SMC6: variants seen among roughly 807,000 people sequenced by gnomAD.
SMC6 encodes structural maintenance of chromosomes 6.
SMC6 carries 79 observed loss-of-function variants against 142.2 expected under a neutral mutation model. The ratio of observed to expected loss-of-function variants is 0.56; its 90% CI spans 0.46 to 0.67. The LOEUF is 0.67. Ranked by LOEUF, SMC6 falls within the 30% of genes least tolerant of loss-of-function variation. SMC6 has a pLI of 0.00. For missense variants in SMC6, 1,072 were observed against 1,284.0 expected, an observed-to-expected ratio of 0.83 and a Z score of 2.52; for synonymous variants, 411 against 412.4, an observed-to-expected ratio of 1.00 and a Z score of 0.04.
chr2:17,672,996 A>T (rs1014173990), intron 25 of SMC6, among the ~76,000 whole-genome samples: 1 of 152,210 alleles, frequency 6.6e-6, no homozygotes, highest in African/African-American at 2.4e-5. Context: ...AGAGGTTTCC[A>T]AATTAGTTTG....
At chr2:17,751,562 A>G (rs1671039788) in intron 2 of SMC6, among the ~76,000 whole-genome samples, 1 of 152,140 alleles carries the variant, frequency 6.6e-6, no homozygotes. Flanking sequence ...AGTCAGTAGT[A>G]AAGGATACTC....
chr2:17,721,357 G>T, intron 9 of SMC6, 96 bp from the exon 10 acceptor site: 1 of 1,160,876 alleles, frequency 8.6e-7, no homozygotes, highest in South Asian at 2.0e-5. Context: ...GCCTAAACAA[G>T]TACTACATAA....
rs183904524 is a variant in SMC6 at position 17,679,239 on chromosome 2, T to C, written c.2805-275A>G. On this transcript the variant is annotated intron_variant, in intron 24 of 27. Transcript: ENST00000448223. The stretch of plus-strand genomic sequence containing the variant: ...ATCTCACATTTAATATAACCCATTA[T>C]ACCACAGTCAGTGCTTAGGAATGCA... 13 of 296,512 alleles carry C rather than the reference T, an allele frequency of 4.4e-5. No homozygotes were observed. The Admixed American group carries it at 4.5e-4, about 10-fold the overall frequency. The allele number at this position is 296,512 out of a possible 1,614,324, so 18.4% of individuals were successfully genotyped here. A position where few individuals can be genotyped will look rare whatever the true frequency, so the allele number is the denominator to read the frequency against.
At chr2:17,746,524 T>C (rs886708071) in intron 2 of SMC6, 1 of 152,212 alleles carries the variant, frequency 6.6e-6, no homozygotes, top group African/African-American at 2.4e-5. Flanking sequence ...AATTTTTAAG[T>C]TGTTTTCCCA....
At position 17,700,361 on chromosome 2, in the gene SMC6, T is replaced by C. The variant is rs756024806; in HGVS notation, c.2241A>G (p.Glu747=). ...CAACCATTTTCATTTTGCTTTTATT[T>C]TCCTGAGCTTCATCTTCCTGATAAA... ...DIATLEDEAQ[E]NKSKMKMVEE... Residue 747 remains glutamate (E), a synonymous_variant, in exon 21 of 28, where the codon GAA becomes GAG. Coordinates refer to ENST00000448223, the MANE Select transcript of SMC6 (RefSeq NM_001142286.2). The C allele has an allele frequency of 1.9e-6, 3 of 1,602,598 alleles. No homozygotes were observed. The East Asian group carries it at 6.7e-5, about 36-fold the overall frequency.
intron 15 of SMC6, among the ~76,000 whole-genome samples, chr2:17,715,315 A>C (rs751019775): frequency 3.9e-5 from 6 of 152,076 alleles, no homozygotes; most frequent in Non-Finnish European, 8.8e-5. Context: ...AATCCACCAA[A>C]TCCTGTGAAA....
At chr2:17,747,427 C>G (rs570414373) in intron 2 of SMC6, among the ~76,000 whole-genome samples, 1 of 152,094 alleles carries the variant, frequency 6.6e-6, no homozygotes, top group African/African-American at 2.4e-5. Flanking sequence ...TTACAAAGGA[C>G]TTCAAAGAGC....
intron 23 of SMC6, among the ~76,000 whole-genome samples, chr2:17,688,198 A>G (rs1667545482): frequency 6.6e-6 from 1 of 152,086 alleles, no homozygotes; most frequent in African/African-American, 2.4e-5. Flanking sequence ...GTTTTTAGGT[A>G]TCATTCCTTA....
chr2:17,695,339 T>C lies in SMC6; in HGVS notation c.2533-42A>G, dbSNP rs199829364. On this transcript the variant is annotated intron_variant, in intron 22 of 27. Transcript: ENST00000448223. ...TTATATCTTTAAAACTCTTCTTTGA[T>C]ATAACAATTCATTATACTACTTGTG... 23 of 1,569,990 alleles carry C rather than the reference T, an allele frequency of 1.5e-5. No individual in the cohort carries two copies. In the East Asian group the frequency reaches 4.1e-4, roughly 28 times the overall value.
intron 5 of SMC6, among the ~76,000 whole-genome samples, chr2:17,733,314 C>T (rs1052235094): frequency 1.2e-4 from 18 of 152,122 alleles, no homozygotes; most frequent in African/African-American, 2.7e-4. Flanking sequence ...GGCTTAGCAA[C>T]GATATAATTT....
chr2:17,733,555 G>A (rs1468881237), intron 5 of SMC6, among the ~76,000 whole-genome samples: 3 of 152,158 alleles, frequency 2.0e-5, no homozygotes, highest in African/African-American at 7.2e-5. Flanking sequence ...ACAGAAAATT[G>A]TACTATCTTT....
At chr2:17,725,089 A>G (rs1669549156) in intron 9 of SMC6, among the ~76,000 whole-genome samples, 168 bp downstream of exon 9, 2 of 152,200 alleles carry the variant, frequency 1.3e-5, no homozygotes, top group Non-Finnish European at 2.9e-5. Context: ...AGTAATAGCT[A>G]ATTAATACCC....
chr2:17,693,358 T>C (rs946794131), intron 23 of SMC6, among the ~76,000 whole-genome samples: 2 of 152,290 alleles, frequency 1.3e-5, no homozygotes, highest in Non-Finnish European at 2.9e-5. Flanking sequence ...TGGAATACTA[T>C]GCAGCCATAA....
intron 9 of SMC6, among the ~76,000 whole-genome samples, chr2:17,725,004 T>C (rs1004981374): frequency 3.3e-5 from 5 of 152,202 alleles, no homozygotes. Context: ...GTATGTAAGA[T>C]ACTGCCCTGT....
rs142355239 is a variant in SMC6, at chr2:17,724,581, T to C, written c.726+676A>G. On this transcript the variant is annotated intron_variant, in intron 9 of 27. Coordinates refer to ENST00000448223, the MANE Select transcript of SMC6 (RefSeq NM_001142286.2). ...CAGCTATAATGTAAGCCTTAAAATT[T>C]TGAGGTCTCTGATTATCACACAGAA... 4.2e-3 allele frequency among the ~76,000 whole-genome samples: 646 copies of C among 152,318 alleles called. 7 individuals are homozygous for C. The highest frequency in any genetic ancestry group is 0.015 in the African/African-American group (603 of 41,558).
intron 16 of SMC6, among the ~76,000 whole-genome samples, 189 bp downstream of exon 16, chr2:17,714,672 A>G (rs1379685765): frequency 6.6e-6 from 1 of 152,302 alleles, no homozygotes. Flanking sequence ...AAGAACTTCA[A>G]TGGTAGGGAG....
Position 17,731,839 on chromosome 2 carries a change from TCTC to T in SMC6, c.380_382del (p.Gly127del). ...ATACACACTGGCTTTAAAGGCATCA[TCTC>T]CTCTGTTCCTCAATGTTATTGAGAT... On this transcript the variant is annotated inframe_deletion, in exon 6 of 28. Coordinates refer to ENST00000448223, the MANE Select transcript of SMC6 (RefSeq NM_001142286.2). 1.2e-6 allele frequency: 2 copies of T among 1,613,804 alleles called. No individual in the cohort carries two copies. The highest frequency in any genetic ancestry group is 1.7e-6 in the Non-Finnish European group (2 of 1,179,868).
chr2:17,684,311 C>T (rs1667354163), intron 23 of SMC6, among the ~76,000 whole-genome samples: 1 of 152,184 alleles, frequency 6.6e-6, no homozygotes, highest in African/African-American at 2.4e-5. Flanking sequence ...CTGGTCGAGG[C>T]TCCCACAGCT....
intron 23 of SMC6, among the ~76,000 whole-genome samples, chr2:17,684,510 A>G (rs1366357108): frequency 6.6e-6 from 1 of 152,216 alleles, no homozygotes; most frequent in Non-Finnish European, 1.5e-5. Context: ...TGAAAATTAT[A>G]ATTGAACACC....
Sources: allele counts gnomAD v4.1 joint callset (sites outside exome capture counted in the v4.1 genomes callset), GRCh38; gene constraint gnomAD v4.1.1; transcripts MANE v1.5; gene names NCBI Gene and HGNC (gene_info 2026-07-23, HGNC 2026-07-21).